DCDC1: variants seen among roughly 807,000 people sequenced by gnomAD.
The protein encoded by DCDC1 is doublecortin domain-containing protein 1.
Under a neutral mutation model 178.3 loss-of-function variants are expected in DCDC1, and 200 were observed. The observed-to-expected ratio is 1.12, with a 90% CI of 1.00 to 1.26. DCDC1 has a LOEUF of 1.26. Ranked by LOEUF, DCDC1 falls within the 50% of genes most tolerant of loss-of-function variation. DCDC1 has a pLI of 0.00. For synonymous variants in DCDC1, 690 were observed against 604.8 expected (o/e 1.14, Z -2.07); for missense variants, 1,983 against 1,749.2 (o/e 1.13, Z -2.38).
chr11:30,892,720 G>A (rs1943891223), intron 36 of DCDC1, 98 bp downstream of exon 36: 1 of 1,374,922 alleles, frequency 7.3e-7, no homozygotes, highest in Non-Finnish European at 1.0e-6. Flanking sequence ...AAGAAAATGA[G>A]GTTCATAGAA....
chr11:31,044,353 T>G (rs1024513029), intron 20 of DCDC1, among the ~76,000 whole-genome samples: 7 of 151,812 alleles, frequency 4.6e-5, no homozygotes, highest in Admixed American at 1.3e-4. Flanking sequence ...GGTGAGAACC[T>G]GTAGTCCCAG....
chr11:30,913,463 G>A (rs1945601378), intron 27 of DCDC1, among the ~76,000 whole-genome samples: 1 of 152,080 alleles, frequency 6.6e-6, no homozygotes, highest in East Asian at 1.9e-4. Context: ...GTCCCTAGAG[G>A]GGGACTTGTG....
chr11:31,321,233 G>T (rs1949325003), intron 3 of DCDC1, among the ~76,000 whole-genome samples: 1 of 70,840 alleles, frequency 1.4e-5, no homozygotes. Flanking sequence ...CCTGGGCAAT[G>T]GCGGGCGCCC....
intron 17 of DCDC1, among the ~76,000 whole-genome samples, chr11:31,079,816 G>A (rs1387895300): frequency 1.3e-5 from 2 of 152,158 alleles, no homozygotes; most frequent in Non-Finnish European, 2.9e-5. Context: ...GTTAGAGAGA[G>A]TAGATAAGGG....
At chr11:31,194,980 G>A (rs1041275474) in intron 9 of DCDC1, among the ~76,000 whole-genome samples, 5 of 151,942 alleles carry the variant, frequency 3.3e-5, no homozygotes, top group East Asian at 1.9e-4. Flanking sequence ...TTTCCCCTCC[G>A]GACATCTATC....
At chr11:31,234,946 C>G (rs1223280757) in intron 9 of DCDC1, among the ~76,000 whole-genome samples, 3 of 152,088 alleles carry the variant, frequency 2.0e-5, no homozygotes, top group Non-Finnish European at 2.9e-5. Flanking sequence ...GCAATAATAC[C>G]TGTAGGTGGT....
intron 18 of DCDC1, among the ~76,000 whole-genome samples, chr11:31,070,271 C>T (rs1184415839): frequency 6.6e-6 from 1 of 152,180 alleles, no homozygotes; most frequent in Non-Finnish European, 1.5e-5. Flanking sequence ...ATCGGAAACT[C>T]AAATTTTTCT....
intron 20 of DCDC1, among the ~76,000 whole-genome samples, chr11:30,983,555 T>C (rs1175874034): frequency 6.6e-6 from 1 of 152,226 alleles, no homozygotes; most frequent in Non-Finnish European, 1.5e-5. Flanking sequence ...ATATTGGATT[T>C]TTTCAAATAT....
chr11:31,242,014 G>T (rs1977205502), intron 8 of DCDC1, among the ~76,000 whole-genome samples: 1 of 151,848 alleles, frequency 6.6e-6, no homozygotes, highest in Admixed American at 6.6e-5. Context: ...GCTTCTTGTA[G>T]AGCACTCTAT....
chr11:31,149,329 A>G (rs1351404568), intron 9 of DCDC1, among the ~76,000 whole-genome samples: 1 of 152,154 alleles, frequency 6.6e-6, no homozygotes. Flanking sequence ...AAATGCACCA[A>G]TCAGTGCTCT....
intron 21 of DCDC1, among the ~76,000 whole-genome samples, chr11:30,945,712 C>G (rs905740216): frequency 7.1e-6 from 1 of 141,776 alleles, no homozygotes; most frequent in South Asian, 2.1e-4. Context: ...ATCTATCTAT[C>G]TATCTATCTA....
chr11:31,168,411 T>C (rs1187673703), intron 9 of DCDC1, among the ~76,000 whole-genome samples: 1 of 152,224 alleles, frequency 6.6e-6, no homozygotes, highest in African/African-American at 2.4e-5. Context: ...TTGATATTTG[T>C]ATATTTTCTG....
At chr11:31,262,927 A>T (rs757334695) in intron 8 of DCDC1, 1 of 975,386 alleles carries the variant, frequency 1.0e-6, no homozygotes, top group Non-Finnish European at 1.5e-6. Context: ...TTCAGCTGGC[A>T]TAAGCTTTTA....
At chr11:30,958,817 T>C (rs577262357) in intron 20 of DCDC1, among the ~76,000 whole-genome samples, 1 of 152,244 alleles carries the variant, frequency 6.6e-6, no homozygotes, top group South Asian at 2.1e-4. Context: ...AGTCTTCCAC[T>C]GACCTGGGGA....
chr11:30,968,316 C>T (rs1042478485), intron 20 of DCDC1, among the ~76,000 whole-genome samples: 1 of 152,090 alleles, frequency 6.6e-6, no homozygotes, highest in African/African-American at 2.4e-5. Flanking sequence ...GCCCATAGGA[C>T]ACATTCTGCT....
At chr11:31,113,964 C>A (rs899673705) in intron 11 of DCDC1, among the ~76,000 whole-genome samples, 1 of 152,134 alleles carries the variant, frequency 6.6e-6, no homozygotes, top group Admixed American at 6.6e-5. Context: ...TAATTTCACA[C>A]CATGTTTCTC....
intron 7 of DCDC1, among the ~76,000 whole-genome samples, chr11:31,282,719 TATCC>T (rs979589785): frequency 1.3e-5 from 2 of 152,094 alleles, no homozygotes; most frequent in Non-Finnish European, 2.9e-5. Context: ...CAGTGAAAAA[TATCC>T]TTTAATATTT....
rs557584288 is a variant in DCDC1 at position 31,090,093 on chromosome 11, G to A, written c.2237+1300C>T. ...TCAGAAATCTTATTACCCAGTCTGC[G>A]TACAGTTCCATACCAAACTGAGACT... On this transcript the variant is annotated intron_variant, in intron 17 of 38. Coordinates refer to ENST00000684477, the MANE Select transcript of DCDC1 (RefSeq NM_001387274.1). 7.9e-5 allele frequency among the ~76,000 whole-genome samples: 12 copies of A among 152,234 alleles called. No individual in the cohort carries two copies. The East Asian group carries it at 9.6e-4, about 12-fold the overall frequency.
At chr11:31,150,487 T>C (rs1965050039) in intron 9 of DCDC1, among the ~76,000 whole-genome samples, 1 of 152,204 alleles carries the variant, frequency 6.6e-6, no homozygotes, top group Non-Finnish European at 1.5e-5. Flanking sequence ...TGAGAATAGC[T>C]ACTCAGAATG....
Sources: allele counts gnomAD v4.1 joint callset (sites outside exome capture counted in the v4.1 genomes callset), GRCh38; gene constraint gnomAD v4.1.1; transcripts MANE v1.5; gene names NCBI Gene and HGNC (gene_info 2026-07-23, HGNC 2026-07-21).